Variants in ADCY5 observed in about 807,000 individuals in gnomAD.
The protein encoded by ADCY5 is adenylate cyclase type 5.
ADCY5 carries 30 observed loss-of-function variants against 119.7 expected under a neutral mutation model. The observed-to-expected ratio is 0.25, with a 90% CI of 0.19 to 0.34. ADCY5 has a LOEUF of 0.34. Ranked by LOEUF, ADCY5 falls within the 10% of genes least tolerant of loss-of-function variation. The pLI is 1.00. For missense variants in ADCY5, 1,324 were observed against 1,775.2 expected, an observed-to-expected ratio of 0.75 and a Z score of 4.57; for synonymous variants, 753 against 762.2, an observed-to-expected ratio of 0.99 and a Z score of 0.20.
chr3:123,359,672 C>A (rs1943176831), intron 1 of ADCY5, among the ~76,000 whole-genome samples: 1 of 152,144 alleles, frequency 6.6e-6, no homozygotes, highest in South Asian at 2.1e-4. Context: ...ACCTCAGGGA[C>A]CCTGGGGGCA....
chr3:123,391,195 GGGAAA>G (rs891697756), intron 1 of ADCY5, among the ~76,000 whole-genome samples: 6 of 152,188 alleles, frequency 3.9e-5, no homozygotes, highest in Non-Finnish European at 7.3e-5. Context: ...GGAGACGGAA[GGGAAA>G]GGAAGCAAAA....
chr3:123,290,286 T>A (rs1471946752), intron 18 of ADCY5, among the ~76,000 whole-genome samples: 4 of 151,966 alleles, frequency 2.6e-5, no homozygotes, highest in Non-Finnish European at 5.9e-5. Flanking sequence ...CAGGGAAACC[T>A]CCATTTGTCC....
intron 1 of ADCY5, among the ~76,000 whole-genome samples, chr3:123,393,457 T>C (rs899642145): frequency 6.6e-6 from 1 of 151,950 alleles, no homozygotes. Flanking sequence ...CCAGGGAGGC[T>C]GAACCAACAG....
At chr3:123,346,152 G>A (rs1179117612) in intron 3 of ADCY5, among the ~76,000 whole-genome samples, 1 of 152,248 alleles carries the variant, frequency 6.6e-6, no homozygotes, top group Non-Finnish European at 1.5e-5. Flanking sequence ...CTCACTGCTA[G>A]TGATCGTTCC....
intron 1 of ADCY5, among the ~76,000 whole-genome samples, chr3:123,371,790 C>G (rs1221409921): frequency 6.6e-6 from 1 of 152,224 alleles, no homozygotes; most frequent in Admixed American, 6.5e-5. Flanking sequence ...CCCCCACCCC[C>G]ACCCCTGCAT....
intron 3 of ADCY5, 149 bp downstream of exon 3, chr3:123,347,633 G>A (rs1367870536): frequency 6.9e-6 from 7 of 1,015,338 alleles, no homozygotes; most frequent in Non-Finnish European, 8.9e-6. Flanking sequence ...AACACACCTG[G>A]AGGGGTGGGG....
At chr3:123,298,031 G>A (rs886244728) in intron 15 of ADCY5, among the ~76,000 whole-genome samples, 27 of 151,806 alleles carry the variant, frequency 1.8e-4, no homozygotes, top group Non-Finnish European at 3.8e-4. Flanking sequence ...ACAAAGTCTT[G>A]CTCTATCTTC....
At chr3:123,361,592 T>C (rs916545351) in intron 1 of ADCY5, among the ~76,000 whole-genome samples, 1 of 151,742 alleles carries the variant, frequency 6.6e-6, no homozygotes, top group African/African-American at 2.4e-5. Context: ...AGGTGGCCTC[T>C]GTGTCTGGCT....
intron 12 of ADCY5, among the ~76,000 whole-genome samples, chr3:123,313,508 TGGTGCGTCA>T (rs1467882330): frequency 6.6e-6 from 1 of 152,160 alleles, no homozygotes; most frequent in African/African-American, 2.4e-5. Flanking sequence ...GAGGCCAGGC[TGGTGCGTCA>T]GGGATTTCTG....
In ADCY5 at chr3:123,310,103, T is replaced by TACACACACACACACAC. The variant is rs60966110; in HGVS notation, c.2442+4116_2442+4131dup. Among the ~76,000 whole-genome samples, 994 of 121,190 alleles carry TACACACACACACACAC rather than the reference T, an allele frequency of 8.2e-3. 29 individuals are homozygous for TACACACACACACACAC. The highest frequency in any genetic ancestry group is 0.076 in the East Asian group (221 of 2,892). 79.5% of individuals were successfully genotyped at this position (121,190 alleles called of 152,430 possible). ...GGCTGGGGGATAAGAGAGAGAGATTTACACACACACACACACACACACACA... is the reference window on the plus strand; with the variant it reads ...GGCTGGGGGATAAGAGAGAGAGATTTACACACACACACACACACACACACACACACACACACACACA... On this transcript the variant is annotated intron_variant, in intron 12 of 20. Coordinates refer to ENST00000462833, the MANE Select transcript of ADCY5 (RefSeq NM_183357.3).
At chr3:123,306,935 C>T (rs145006053) in intron 12 of ADCY5, among the ~76,000 whole-genome samples, 1 of 152,342 alleles carries the variant, frequency 6.6e-6, no homozygotes, top group Non-Finnish European at 1.5e-5. Context: ...AGTGCTGTTA[C>T]ATGCTACATG....
chr3:123,338,596 C>T (rs1418881147), intron 3 of ADCY5, among the ~76,000 whole-genome samples: 2 of 152,364 alleles, frequency 1.3e-5, no homozygotes, highest in East Asian at 3.9e-4. Flanking sequence ...CTGAGAGCTC[C>T]TCTTGGGAAC....
intron 13 of ADCY5, 60 bp from the exon 14 acceptor site, chr3:123,303,279 G>A: frequency 6.4e-7 from 1 of 1,552,188 alleles, no homozygotes; most frequent in Non-Finnish European, 8.8e-7. Flanking sequence ...AGGTAGAGCA[G>A]CCCAGCCCAC....
intron 1 of ADCY5, among the ~76,000 whole-genome samples, chr3:123,405,946 T>C (rs572168449): frequency 6.6e-6 from 1 of 152,298 alleles, no homozygotes; most frequent in African/African-American, 2.4e-5. Flanking sequence ...TTTTTATTTT[T>C]CATCTCTGAT....
Position 123,355,049 on chromosome 3 carries a change from G to A in ADCY5, c.1135-2468C>T, listed in dbSNP as rs1942987082. Among the ~76,000 whole-genome samples, 3 of 152,254 alleles carry A rather than the reference G, an allele frequency of 2.0e-5. No homozygotes were observed. In the South Asian group the frequency reaches 6.2e-4, roughly 32 times the overall value. ...GCCTTCCTCTAAGACCAGCAGCAAAGCCAGGTTGTTCCCTCTCGTCACTCC... is the reference window on the plus strand; with the variant it reads ...GCCTTCCTCTAAGACCAGCAGCAAAACCAGGTTGTTCCCTCTCGTCACTCC... On this transcript the variant is annotated intron_variant, in intron 1 of 20. Transcript: ENST00000462833.
intron 1 of ADCY5, among the ~76,000 whole-genome samples, chr3:123,441,143 C>T (rs1010803433): frequency 5.3e-5 from 8 of 152,186 alleles, no homozygotes; most frequent in African/African-American, 1.9e-4. Context: ...TGATCCCAAA[C>T]CTAAGAGCTG....
At chr3:123,292,614 C>T (rs1490422637) in intron 17 of ADCY5, among the ~76,000 whole-genome samples, 1 of 152,150 alleles carries the variant, frequency 6.6e-6, no homozygotes, top group East Asian at 1.9e-4. Context: ...GCCCAGGTGA[C>T]CTAAGCTCCT....
Position 123,448,318 on chromosome 3 carries a change from G to A in ADCY5, c.228C>T (p.Asp76=), listed in dbSNP as rs779961046. 7.8e-6 allele frequency: 12 copies of A among 1,537,792 alleles called. No homozygotes were observed. In the East Asian group the frequency reaches 2.4e-4, roughly 31 times the overall value. The change falls in exon 1 of 21, where the codon GAC becomes GAT. Residue 76 remains aspartate (D), a synonymous_variant. Coordinates refer to ENST00000462833, the MANE Select transcript of ADCY5 (RefSeq NM_183357.3). The part of the protein sequence containing the change: ...QQRLASRWRS[D]DDDDPPLSGD... Reference sequence around the variant, plus strand: ...CGCTCAGCGGAGGATCGTCGTCGTCGTCGCTGCGCCAGCGGCTGGCCAGGC... The same window carrying A: ...CGCTCAGCGGAGGATCGTCGTCGTCATCGCTGCGCCAGCGGCTGGCCAGGC...
At chr3:123,334,375 G>A (rs535583070) in intron 3 of ADCY5, among the ~76,000 whole-genome samples, 54 of 152,282 alleles carry the variant, frequency 3.5e-4, no homozygotes, top group African/African-American at 1.2e-3. Context: ...CCATGTTTCA[G>A]TTTTAAAATT....
Sources: gnomAD v4.1 joint callset for allele counts (sites outside exome capture counted in the v4.1 genomes callset) on GRCh38, gnomAD v4.1.1 for gene constraint, MANE v1.5 for transcripts, NCBI Gene and HGNC (gene_info 2026-07-23, HGNC 2026-07-21) for gene names.